The following TSEN15 variants were observed in gnomAD, a reference collection of about 807,000 sequenced individuals.
TSEN15 encodes the protein tRNA-splicing endonuclease subunit Sen15.
Under a neutral mutation model 20.5 loss-of-function variants are expected in TSEN15, and 10 were observed. The observed-to-expected ratio is 0.49, with a 90% confidence interval of 0.30 to 0.83. The LOEUF (loss-of-function observed/expected upper bound fraction) is 0.83, where lower values mean the gene tolerates loss of function less well. Ranked by LOEUF, TSEN15 falls within the 40% of genes least tolerant of loss-of-function variation. TSEN15 has a pLI of 0.06. For synonymous variants in TSEN15, 72 were observed against 80.1 expected (o/e 0.90, Z 0.54); for missense variants, 180 against 218.6 (o/e 0.82, Z 1.11).
chr1:184,093,493 G>A (rs1402540710), intron 3 of TSEN15: 1 of 152,070 alleles, frequency 6.6e-6, no homozygotes, highest in Non-Finnish European at 1.5e-5. Context: ...GCTCTTGTGA[G>A]GATTAAATGT....
intron 3 of TSEN15, chr1:184,070,760 C>T (rs1244973519): frequency 7.3e-5 from 57 of 782,214 alleles, no homozygotes; most frequent in Non-Finnish European, 9.1e-5. Flanking sequence ...TAATATCTAT[C>T]GTTGCTTTAT....
intron 3 of TSEN15, among the ~76,000 whole-genome samples, chr1:184,061,035 T>C (rs942488000): frequency 2.6e-5 from 4 of 152,208 alleles, no homozygotes; most frequent in Non-Finnish European, 4.4e-5. Context: ...TTATTCTTTC[T>C]TTTATAGTAA....
chr1:184,095,663 C>G (rs375359480), intron 3 of TSEN15: 11 of 369,146 alleles, frequency 3.0e-5, no homozygotes, highest in Non-Finnish European at 4.3e-5. Flanking sequence ...CTCTCTCTCT[C>G]TCTCTGTGTC....
intron 3 of TSEN15, among the ~76,000 whole-genome samples, chr1:184,087,018 A>G (rs1651273874): frequency 6.6e-6 from 1 of 152,116 alleles, no homozygotes; most frequent in Non-Finnish European, 1.5e-5. Flanking sequence ...CTTAAAAGGG[A>G]CTGTATAAAA....
rs532187106 is a variant in TSEN15, at chr1:184,066,393, C to CT, written c.354-5754dup. 3.2e-3 allele frequency among the ~76,000 whole-genome samples: 472 copies of CT among 148,188 alleles called. 2 individuals are homozygous for CT. Among genetic ancestry groups the CT allele is most frequent in the African/African-American group, 7.3e-3 (297 of 40,470 alleles). ...TGATTACTATAGCTTTACAATAGGT[C>CT]TTTTTTTTTTCTTTATGTGATTTTT... is the stretch of plus-strand genomic sequence containing the variant. On this transcript the variant is annotated intron_variant, in intron 3 of 4. Coordinates refer to ENST00000645668, the MANE Select transcript of TSEN15 (RefSeq NM_052965.4).
intron 3 of TSEN15, among the ~76,000 whole-genome samples, chr1:184,067,941 A>AAT (rs58463457): frequency 0.015 from 1,477 of 95,462 alleles, 42 homozygotes; most frequent in Middle Eastern, 0.022. Context: ...AAAAAAAAAA[A>AAT]ATATATATAT....
intron 1 of TSEN15, among the ~76,000 whole-genome samples, chr1:184,053,027 C>T (rs1267938392): frequency 6.6e-6 from 1 of 152,184 alleles, no homozygotes; most frequent in Non-Finnish European, 1.5e-5. Flanking sequence ...ATTCAACATA[C>T]AGAAAGCACT....
chr1:184,070,450 G>C (rs1322208378), intron 3 of TSEN15, among the ~76,000 whole-genome samples: 1 of 151,952 alleles, frequency 6.6e-6, no homozygotes, highest in Non-Finnish European at 1.5e-5. Context: ...TATGTATATT[G>C]CATACTGTGA....
intron 3 of TSEN15, chr1:184,071,173 C>T (rs921580496): frequency 1.3e-5 from 2 of 151,980 alleles, no homozygotes; most frequent in Non-Finnish European, 2.9e-5. Context: ...CTTGAAAAGA[C>T]TTTCTCCATT....
chr1:184,077,968 GC>G (rs1255841944), downstream of TSEN15, among the ~76,000 whole-genome samples: 1 of 152,162 alleles, frequency 6.6e-6, no homozygotes, highest in African/African-American at 2.4e-5. Context: ...ACTTAATAAA[GC>G]AGCAGCAGAG....
Position 184,054,408 on chromosome 1 carries a change from TTCTTGGTTTACCTGGACC to T in TSEN15, c.193_210del (p.Leu65_Leu70del). ...AGATGCCACCCAAGTTTATGTAGCGTTCTTGGTTTACCTGGACCTCATGGAAAGTAAGTTGTTTGTTTA... is the reference window on the plus strand; with the variant it reads ...AGATGCCACCCAAGTTTATGTAGCGTTCATGGAAAGTAAGTTGTTTGTTTA... On this transcript the variant is annotated inframe_deletion, in exon 2 of 5. Coordinates refer to ENST00000645668, the MANE Select transcript of TSEN15 (RefSeq NM_052965.4). The T allele has an allele frequency of 6.2e-7, 1 of 1,610,630 alleles. No homozygotes were observed. The highest frequency in any genetic ancestry group is 8.5e-7 in the Non-Finnish European group (1 of 1,176,960).
At chr1:184,058,135 C>T in intron 3 of TSEN15, 1 of 422,758 alleles carries the variant, frequency 2.4e-6, no homozygotes, top group Non-Finnish European at 4.7e-6. Flanking sequence ...AATTTGTTTC[C>T]ATTGTTAATT....
chr1:184,070,943 A>C (rs1259116591), intron 3 of TSEN15: 3 of 171,584 alleles, frequency 1.7e-5, no homozygotes, highest in Non-Finnish European at 3.8e-5. Context: ...AGTGTACCTT[A>C]GTATGTTTGG....
chr1:184,073,190 C>T lies in TSEN15; in HGVS notation c.*343C>T, dbSNP rs1227490445. ...TCTCTTTGTTTCTTGCTGCCACTGC[C>T]AGCTCATTGTTGAGACTGCCATTTC... is the stretch of plus-strand genomic sequence containing the variant. On this transcript the variant is annotated 3_prime_UTR_variant, in exon 5 of 5. Coordinates refer to ENST00000645668, the MANE Select transcript of TSEN15 (RefSeq NM_052965.4). The T allele has an allele frequency of 1.4e-5, 3 of 220,686 alleles. No homozygotes were observed. Among genetic ancestry groups the T allele is most frequent in the Admixed American group, 1.2e-4 (2 of 17,248 alleles). 13.7% of individuals were successfully genotyped at this position (220,686 alleles called of 1,614,324 possible). A position where few individuals can be genotyped will look rare whatever the true frequency, so the allele number is the denominator to read the frequency against.
intron 3 of TSEN15, among the ~76,000 whole-genome samples, chr1:184,068,523 C>A (rs1280166431): frequency 1.3e-5 from 2 of 151,976 alleles, no homozygotes; most frequent in Non-Finnish European, 2.9e-5. Context: ...TTTTCTCTTA[C>A]CCTTAAACAA....
At chr1:184,093,775 T>C (rs1651399636) in intron 3 of TSEN15, 1 of 152,060 alleles carries the variant, frequency 6.6e-6, no homozygotes. Context: ...TAGAGCAGAG[T>C]CTCTGGTCTC....
intron 3 of TSEN15, chr1:184,094,414 C>T (rs1359860060): frequency 6.6e-6 from 1 of 152,290 alleles, no homozygotes; most frequent in Non-Finnish European, 1.5e-5. Flanking sequence ...GGACTGTCCT[C>T]TTCAGGCATC....
chr1:184,080,183 T>G (rs1381268089), intron 3 of TSEN15, among the ~76,000 whole-genome samples: 1 of 152,186 alleles, frequency 6.6e-6, no homozygotes, highest in African/African-American at 2.4e-5. Flanking sequence ...GACAACATTA[T>G]ATATAAATGC....
At chr1:184,054,942 T>C in intron 3 of TSEN15, 79 bp downstream of exon 3, 1 of 1,468,238 alleles carries the variant, frequency 6.8e-7, no homozygotes, top group African/African-American at 1.4e-5. Context: ...GTAATACTTT[T>C]AATGAAATTT....
Sources: gnomAD v4.1 joint callset for allele counts (sites outside exome capture counted in the v4.1 genomes callset) on GRCh38, gnomAD v4.1.1 for gene constraint, MANE v1.5 for transcripts, NCBI Gene and HGNC (gene_info 2026-07-23, HGNC 2026-07-21) for gene names.